ADGRL2: variants seen among roughly 807,000 people sequenced by gnomAD.
ADGRL2 encodes the protein calcium-independent alpha-latrotoxin receptor 2.
A neutral mutation model predicts 157.4 loss-of-function variants in ADGRL2; 44 were observed. That is an observed-to-expected ratio of 0.28 (90% CI 0.22 to 0.36). The LOEUF is 0.36. Among genes scored for constraint, ADGRL2 ranks in the 10% least tolerant of loss-of-function variants. The pLI, the probability that ADGRL2 is intolerant of heterozygous loss-of-function variation, is 1.00. For synonymous variants in ADGRL2, 585 were observed against 624.7 expected (o/e 0.94, Z 0.95); for missense variants, 1,510 against 1,768.9 (o/e 0.85, Z 2.63).
chr1:81,320,071 T>C (rs1271280690), intron 1 of ADGRL2, among the ~76,000 whole-genome samples: 1 of 152,172 alleles, frequency 6.6e-6, no homozygotes, highest in Non-Finnish European at 1.5e-5. Context: ...ATATTCCAAA[T>C]CCTTTGTTGT....
chr1:81,866,255 C>A (rs1296274218), intron 2 of ADGRL2, among the ~76,000 whole-genome samples: 1 of 152,092 alleles, frequency 6.6e-6, no homozygotes, highest in Non-Finnish European at 1.5e-5. Flanking sequence ...TAATGTCAAC[C>A]CCAGAGAGGC....
At chr1:81,898,872 T>G (rs2094440470) in intron 2 of ADGRL2, among the ~76,000 whole-genome samples, 1 of 152,166 alleles carries the variant, frequency 6.6e-6, no homozygotes, top group South Asian at 2.1e-4. Context: ...GGAAGAAATT[T>G]TGCTAACATA....
At chr1:81,524,773 G>A (rs2079412760) in intron 2 of ADGRL2, among the ~76,000 whole-genome samples, 1 of 152,054 alleles carries the variant, frequency 6.6e-6, no homozygotes, top group African/African-American at 2.4e-5. Context: ...ACTCAGGCCT[G>A]TAATCCTAGC....
chr1:81,938,033 C>T (rs2095335241), intron 4 of ADGRL2, among the ~76,000 whole-genome samples: 1 of 151,866 alleles, frequency 6.6e-6, no homozygotes, highest in East Asian at 1.9e-4. Flanking sequence ...CTTTTCATCC[C>T]TGCTCTGTGT....
intron 3 of ADGRL2, chr1:81,596,214 A>G: frequency 3.5e-6 from 2 of 574,964 alleles, no homozygotes; most frequent in East Asian, 8.6e-5. Context: ...CATCTGCTTA[A>G]CAATCTCAAA....
rs143921645 is a variant in ADGRL2, at chr1:81,380,290, G to C, written c.-301-64746G>C. ...TGTGCCTATCACTTTTAATGTGTGTGGGCTTTTTAAAATCACGGAGTTCTT... is the reference window on the plus strand; with the variant it reads ...TGTGCCTATCACTTTTAATGTGTGTCGGCTTTTTAAAATCACGGAGTTCTT... On this transcript the variant is annotated intron_variant, in intron 1 of 24. Coordinates refer to the ADGRL2 transcript ENST00000370721. 2.9e-3 allele frequency among the ~76,000 whole-genome samples: 444 copies of C among 152,200 alleles called. 6 individuals are homozygous for C. The highest frequency in any genetic ancestry group is 0.01 in the African/African-American group (428 of 41,524).
intron 2 of ADGRL2, among the ~76,000 whole-genome samples, chr1:81,526,364 C>T (rs1435352774): frequency 6.6e-6 from 1 of 152,130 alleles, no homozygotes; most frequent in Non-Finnish European, 1.5e-5. Flanking sequence ...TAGATATTTT[C>T]CTCACATTAT....
chr1:81,825,038 T>C (rs578164671), intron 1 of ADGRL2, among the ~76,000 whole-genome samples: 1 of 151,122 alleles, frequency 6.6e-6, no homozygotes, highest in African/African-American at 2.4e-5. Context: ...GTTGCAACTT[T>C]CTTGTTGTTA....
At chr1:81,955,054 G>T (rs1004137191) in intron 10 of ADGRL2, among the ~76,000 whole-genome samples, 2 of 152,168 alleles carry the variant, frequency 1.3e-5, no homozygotes, top group African/African-American at 4.8e-5. Context: ...CCTGCCTTCA[G>T]TTGATTAACT....
At chr1:81,473,807 A>G (rs2078220155) in intron 2 of ADGRL2, among the ~76,000 whole-genome samples, 1 of 152,118 alleles carries the variant, frequency 6.6e-6, no homozygotes, top group African/African-American at 2.4e-5. Context: ...ACTTCAAGAT[A>G]AACTTCAAAA....
chr1:81,402,552 A>G lies in ADGRL2; in HGVS notation c.-301-42484A>G, dbSNP rs1228964979. On this transcript the variant is annotated intron_variant, in intron 1 of 24. Coordinates refer to the ADGRL2 transcript ENST00000370721. The stretch of plus-strand genomic sequence containing the variant: ...CTTGTTTTAATAAGATTTCAGAAAG[A>G]GAATCAACTCAAAACTGCTACAACT... Among the ~76,000 whole-genome samples the G allele has an allele frequency of 3.9e-5, 6 of 152,186 alleles. No homozygotes were observed. The East Asian group carries it at 1.2e-3, about 29-fold the overall frequency.
chr1:81,941,436 T>C (rs1363798887), intron 4 of ADGRL2, among the ~76,000 whole-genome samples: 1 of 151,556 alleles, frequency 6.6e-6, no homozygotes, highest in East Asian at 1.9e-4. Flanking sequence ...GAAAAACAAT[T>C]GAAACATACT....
At chr1:81,590,580 G>C (rs1312384604) in intron 3 of ADGRL2, among the ~76,000 whole-genome samples, 1 of 152,002 alleles carries the variant, frequency 6.6e-6, no homozygotes, top group South Asian at 2.1e-4. Context: ...GAAGGACTGT[G>C]CTTCTCCACA....
At chr1:81,950,570 G>A (rs1651455731) in intron 7 of ADGRL2, 88 bp downstream of exon 7, 4 of 1,214,802 alleles carry the variant, frequency 3.3e-6, no homozygotes, top group Non-Finnish European at 3.5e-6. Context: ...CAAAGAAAGC[G>A]ATGTTTACAG....
chr1:81,891,130 C>T (rs986562506), intron 2 of ADGRL2, among the ~76,000 whole-genome samples: 2 of 151,738 alleles, frequency 1.3e-5, no homozygotes, highest in Non-Finnish European at 2.9e-5. Context: ...ACATACTTTT[C>T]TGGGAACCCA....
At chr1:81,719,877 C>G (rs1473209938) in intron 1 of ADGRL2, among the ~76,000 whole-genome samples, 1 of 152,144 alleles carries the variant, frequency 6.6e-6, no homozygotes. Flanking sequence ...GGGCTATCCT[C>G]TACCTGGTAG....
intron 6 of ADGRL2, among the ~76,000 whole-genome samples, chr1:81,946,984 G>C (rs755821500): frequency 4.1e-4 from 63 of 152,142 alleles, no homozygotes; most frequent in Admixed American, 1.1e-3. Context: ...CATAACCAGA[G>C]TAAACTGAAC....
chr1:81,417,912 C>T (rs971518226), intron 1 of ADGRL2, among the ~76,000 whole-genome samples: 15 of 152,132 alleles, frequency 9.9e-5, no homozygotes, highest in African/African-American at 3.6e-4. Context: ...ATGTGGCACC[C>T]ATGCATGACA....
At position 81,920,238 on chromosome 1, in the gene ADGRL2, G is replaced by A. The variant is rs114286939; in HGVS notation, c.287+13008G>A. Among the ~76,000 whole-genome samples the A allele has an allele frequency of 4.8e-3, 728 of 152,210 alleles. 9 individuals carry two copies. Among genetic ancestry groups the A allele is most frequent in the African/African-American group, 0.016 (675 of 41,542 alleles). On this transcript the variant is annotated intron_variant, in intron 3 of 23. Coordinates refer to ENST00000686636, the MANE Select transcript of ADGRL2 (RefSeq NM_001366006.2). ...CTCTATAGGAAACCCATTGAATATC[G>A]CTTAGTAAACAGGATTGACATGTCA...
Sources: allele counts gnomAD v4.1 joint callset (sites outside exome capture counted in the v4.1 genomes callset), GRCh38; gene constraint gnomAD v4.1.1; transcripts MANE v1.5; gene names NCBI Gene and HGNC (gene_info 2026-07-23, HGNC 2026-07-21).